Variants in SDK1 observed in about 807,000 individuals in gnomAD.
The protein encoded by SDK1 is sidekick cell adhesion molecule 1.
In SDK1, 157 loss-of-function variants were observed where a neutral mutation model predicts 245.5. The ratio of observed to expected loss-of-function variants is 0.64; its 90% CI spans 0.56 to 0.73. The LOEUF (loss-of-function observed/expected upper bound fraction) is 0.73. Ranked by LOEUF, SDK1 falls within the 30% of genes least tolerant of loss-of-function variation. The pLI, the probability that SDK1 is intolerant of heterozygous loss-of-function variation, is 0.00. For missense variants in SDK1, 3,583 were observed against 3,002.3 expected (o/e 1.19, Z -4.52); for synonymous variants, 1,647 against 1,278.5 (o/e 1.29, Z -6.15).
At chr7:3,698,690 A>G (rs1055464259) in intron 4 of SDK1, among the ~76,000 whole-genome samples, 9 of 152,132 alleles carry the variant, frequency 5.9e-5, no homozygotes, top group African/African-American at 2.2e-4. Context: ...TTTCTTGGTG[A>G]GGGCTTTCTT....
intron 1 of SDK1, among the ~76,000 whole-genome samples, chr7:3,396,968 G>A (rs1477900029): frequency 2.6e-5 from 4 of 151,224 alleles, no homozygotes; most frequent in African/African-American, 9.7e-5. Flanking sequence ...GTGTTAAATG[G>A]ATTCTTTTCT....
chr7:3,574,547 T>A (rs1167191594), intron 1 of SDK1, among the ~76,000 whole-genome samples: 1 of 152,028 alleles, frequency 6.6e-6, no homozygotes, highest in African/African-American at 2.4e-5. Context: ...CGGGAAAAAC[T>A]CCTGGCCTCC....
chr7:3,956,838 G>C lies in SDK1; in HGVS notation c.1151-2093G>C, dbSNP rs149938636. 4.9e-3 allele frequency among the ~76,000 whole-genome samples: 741 copies of C among 152,318 alleles called. 7 individuals are homozygous for C. Among genetic ancestry groups the C allele is most frequent in the African/African-American group, 0.017 (699 of 41,576 alleles). ...GTCCCCAGAGCCATGCACTTGCTCA[G>C]CCAAGCCAGCTTCGGGTCACTGTGT... On this transcript the variant is annotated intron_variant, in intron 7 of 44. Coordinates refer to ENST00000404826, the MANE Select transcript of SDK1 (RefSeq NM_152744.4).
intron 4 of SDK1, among the ~76,000 whole-genome samples, chr7:3,719,268 T>C (rs912264760): frequency 2.0e-5 from 3 of 148,758 alleles, no homozygotes; most frequent in Admixed American, 6.8e-5. Flanking sequence ...TTTTTAAATA[T>C]AGGTACTAGA....
chr7:3,334,532 T>A (rs1457770137), intron 1 of SDK1, among the ~76,000 whole-genome samples: 1 of 151,738 alleles, frequency 6.6e-6, no homozygotes, highest in Admixed American at 6.6e-5. Flanking sequence ...CTCTCGGAGG[T>A]GGATCCTGGA....
intron 23 of SDK1, among the ~76,000 whole-genome samples, chr7:4,112,144 A>G (rs944868650): frequency 3.3e-5 from 5 of 152,216 alleles, no homozygotes; most frequent in Non-Finnish European, 7.3e-5. Context: ...TTAGGGAGAC[A>G]TGAGACATCA....
At chr7:3,923,845 G>C (rs1283960882) in intron 5 of SDK1, among the ~76,000 whole-genome samples, 1 of 152,150 alleles carries the variant, frequency 6.6e-6, no homozygotes, top group Non-Finnish European at 1.5e-5. Context: ...GTTCCTCAGG[G>C]GTTCCTTTCA....
chr7:3,737,596 C>G (rs1176917844), intron 4 of SDK1, among the ~76,000 whole-genome samples: 1 of 152,220 alleles, frequency 6.6e-6, no homozygotes, highest in African/African-American at 2.4e-5. Context: ...GTGCCACTGG[C>G]TGCGCCTTCT....
chr7:3,690,853 G>C (rs796826315), intron 4 of SDK1, among the ~76,000 whole-genome samples: 3 of 152,266 alleles, frequency 2.0e-5, no homozygotes, highest in African/African-American at 7.2e-5. Flanking sequence ...GTGTATATAA[G>C]AACTTTCATA....
At chr7:3,846,328 G>A (rs1780278046) in intron 5 of SDK1, among the ~76,000 whole-genome samples, 1 of 152,184 alleles carries the variant, frequency 6.6e-6, no homozygotes. Flanking sequence ...AAAATAAGTA[G>A]AGTCTAAGGT....
intron 23 of SDK1, 70 bp from the exon 24 acceptor site, chr7:4,113,219 C>T: frequency 1.3e-6 from 2 of 1,531,210 alleles, no homozygotes; most frequent in South Asian, 1.2e-5. Flanking sequence ...CAGTCAGCGC[C>T]TTTGTGGTTT....
intron 14 of SDK1, 55 bp from the exon 15 acceptor site, chr7:4,010,908 CTTA>C: frequency 6.3e-7 from 1 of 1,580,966 alleles, no homozygotes; most frequent in Non-Finnish European, 8.7e-7. Context: ...GCATTCACCT[CTTA>C]TTATTCAGAC....
chr7:4,072,492 C>T (rs1007827505), intron 20 of SDK1, among the ~76,000 whole-genome samples: 15 of 152,174 alleles, frequency 9.9e-5, no homozygotes, highest in African/African-American at 3.6e-4. Flanking sequence ...CCCAGTGATG[C>T]CCGCATCAGG....
chr7:3,823,207 G>A (rs1415949065), intron 5 of SDK1, among the ~76,000 whole-genome samples: 2 of 152,060 alleles, frequency 1.3e-5, no homozygotes, highest in South Asian at 2.1e-4. Context: ...TTTTCCAAGG[G>A]TTATGATAAA....
At chr7:4,219,693 T>G (rs1463887485) in intron 38 of SDK1, among the ~76,000 whole-genome samples, 1 of 152,116 alleles carries the variant, frequency 6.6e-6, no homozygotes, top group Non-Finnish European at 1.5e-5. Flanking sequence ...GTCAGGAAGC[T>G]TGCAGTCACC....
At chr7:3,798,145 C>T (rs1779011094) in intron 4 of SDK1, among the ~76,000 whole-genome samples, 1 of 150,198 alleles carries the variant, frequency 6.7e-6, no homozygotes, top group Non-Finnish European at 1.5e-5. Context: ...TCCCATGTTG[C>T]ATTTAGTCAC....
chr7:3,699,007 G>C (rs932969564), intron 4 of SDK1, among the ~76,000 whole-genome samples: 1 of 152,112 alleles, frequency 6.6e-6, no homozygotes, highest in African/African-American at 2.4e-5. Flanking sequence ...CCCAAACCTG[G>C]GAGGAACAAG....
At chr7:4,145,662 G>C in intron 28 of SDK1, 60 bp from the exon 29 acceptor site, 2 of 1,480,334 alleles carry the variant, frequency 1.4e-6, no homozygotes, top group Non-Finnish European at 1.8e-6. Flanking sequence ...GTGGGCACAG[G>C]GCTTCCCTGT....
At chr7:3,923,884 C>A (rs923560369) in intron 5 of SDK1, among the ~76,000 whole-genome samples, 1 of 152,098 alleles carries the variant, frequency 6.6e-6, no homozygotes. Flanking sequence ...TTGTCTTTTG[C>A]GGGTGGGGAA....
Sources: gnomAD v4.1 joint callset for allele counts (sites outside exome capture counted in the v4.1 genomes callset) on GRCh38, gnomAD v4.1.1 for gene constraint, MANE v1.5 for transcripts, NCBI Gene and HGNC (gene_info 2026-07-23, HGNC 2026-07-21) for gene names.